PTK2: variants seen among roughly 807,000 people sequenced by gnomAD.
PTK2 encodes the protein protein tyrosine kinase 2, also known as focal adhesion kinase 1.
Under a neutral mutation model 150.1 loss-of-function variants are expected in PTK2, and 45 were observed. The observed-to-expected ratio is 0.30, with a 90% confidence interval of 0.24 to 0.38. The LOEUF (loss-of-function observed/expected upper bound fraction) is 0.38. Ranked by LOEUF, PTK2 falls within the 10% of genes least tolerant of loss-of-function variation. The pLI is 1.00. For missense variants in PTK2, 919 were observed against 1,307.3 expected (o/e 0.70, Z 4.58); for synonymous variants, 432 against 449.2 (o/e 0.96, Z 0.48).
rs187515070 is a variant in PTK2 at position 140,860,559 on chromosome 8, T to C, written c.450+3753A>G. 3.7e-4 allele frequency among the ~76,000 whole-genome samples: 57 copies of C among 152,232 alleles called. 1 individual carries two copies. The South Asian group carries it at 6.0e-3, about 16-fold the overall frequency. ...GCATGATCTTGGCTCACTGCAACCTTTGCCTCCTGGATTCAAGCTATTCTC... is the reference window on the plus strand; with the variant it reads ...GCATGATCTTGGCTCACTGCAACCTCTGCCTCCTGGATTCAAGCTATTCTC... On this transcript the variant is annotated intron_variant, in intron 5 of 31. Coordinates refer to ENST00000522684, the Ensembl canonical transcript of PTK2.
intron 1 of PTK2, among the ~76,000 whole-genome samples, chr8:140,990,518 A>T (rs2100195306): frequency 6.6e-6 from 1 of 152,194 alleles, no homozygotes; most frequent in African/African-American, 2.4e-5. Flanking sequence ...CTGGGGTTAC[A>T]GGCGTGAGTC....
intron 1 of PTK2, among the ~76,000 whole-genome samples, chr8:140,987,528 G>A (rs1569542959): frequency 6.6e-6 from 1 of 152,164 alleles, no homozygotes; most frequent in Non-Finnish European, 1.5e-5. Flanking sequence ...ATATGCGGAT[G>A]GCAAATAACC....
intron 14 of PTK2, among the ~76,000 whole-genome samples, chr8:140,767,820 C>G (rs1288409049): frequency 6.6e-6 from 1 of 152,052 alleles, no homozygotes; most frequent in Non-Finnish European, 1.5e-5. Flanking sequence ...CTTTTCTTTC[C>G]TGGTTTTTAG....
At chr8:140,869,431 T>C (rs1375716732) in intron 4 of PTK2, among the ~76,000 whole-genome samples, 1 of 152,148 alleles carries the variant, frequency 6.6e-6, no homozygotes, top group Non-Finnish European at 1.5e-5. Flanking sequence ...TCCAAAAACC[T>C]TGTATAGAAT....
intron 31 of PTK2, among the ~76,000 whole-genome samples, chr8:140,664,299 A>C (rs2152766222): frequency 6.6e-6 from 1 of 152,220 alleles, no homozygotes; most frequent in Non-Finnish European, 1.5e-5. Flanking sequence ...TTTTAAGACA[A>C]TAATTTTATT....
intron 1 of PTK2, among the ~76,000 whole-genome samples, chr8:140,959,347 A>G (rs372571604): frequency 2.0e-5 from 3 of 151,290 alleles, no homozygotes; most frequent in East Asian, 3.9e-4. Flanking sequence ...TGGCTAACAC[A>G]GTGAAACCCC....
chr8:140,859,453 C>G (rs899336088), intron 5 of PTK2, among the ~76,000 whole-genome samples: 2 of 152,090 alleles, frequency 1.3e-5, no homozygotes, highest in African/African-American at 4.8e-5. Context: ...TAAAAATTAT[C>G]AATGTCATCA....
At chr8:140,784,053 C>G (rs2100083412) in intron 14 of PTK2, among the ~76,000 whole-genome samples, 2 of 152,052 alleles carry the variant, frequency 1.3e-5, no homozygotes, top group African/African-American at 4.8e-5. Flanking sequence ...GTCCCACCTA[C>G]TCGGGAGGCA....
chr8:140,738,155 C>T (rs1459391669), intron 21 of PTK2, among the ~76,000 whole-genome samples: 1 of 152,032 alleles, frequency 6.6e-6, no homozygotes, highest in Non-Finnish European at 1.5e-5. Flanking sequence ...TTCACAGGAT[C>T]AACATGAGTG....
chr8:140,848,051 G>A (rs955668656), intron 5 of PTK2, among the ~76,000 whole-genome samples: 2 of 152,154 alleles, frequency 1.3e-5, no homozygotes, highest in African/African-American at 4.8e-5. Context: ...TGAGCAGCTG[G>A]AGAAATCATA....
At chr8:140,671,521 C>A (rs544622327) in intron 29 of PTK2, among the ~76,000 whole-genome samples, 130 of 152,242 alleles carry the variant, frequency 8.5e-4, no homozygotes, top group South Asian at 4.6e-3. Context: ...TGCCTAGCTG[C>A]ATTGCAGTAT....
chr8:140,732,532 T>C (rs776747834), intron 22 of PTK2: 1 of 525,884 alleles, frequency 1.9e-6, no homozygotes, highest in Non-Finnish European at 3.9e-6. Flanking sequence ...TCTAGCTAGC[T>C]AGGCTACTGG....
chr8:140,734,917 G>C (rs2100051717), intron 22 of PTK2: 3 of 427,980 alleles, frequency 7.0e-6, no homozygotes, highest in South Asian at 5.9e-5. Flanking sequence ...CAAAGTGTGA[G>C]GGAGACAGAG....
At chr8:140,757,552 G>A (rs1029798435) in intron 16 of PTK2, among the ~76,000 whole-genome samples, 1 of 151,994 alleles carries the variant, frequency 6.6e-6, no homozygotes, top group Non-Finnish European at 1.5e-5. Flanking sequence ...TAACTTTTGG[G>A]TTATAAAAGT....
At chr8:140,933,019 T>C (rs2100172426) in intron 1 of PTK2, among the ~76,000 whole-genome samples, 1 of 152,060 alleles carries the variant, frequency 6.6e-6, no homozygotes, top group Non-Finnish European at 1.5e-5. Context: ...ACCCGGCTAA[T>C]TTTGTATTTT....
At chr8:140,816,345 C>A (rs1198281069) in intron 10 of PTK2, among the ~76,000 whole-genome samples, 2 of 150,626 alleles carry the variant, frequency 1.3e-5, no homozygotes, top group Non-Finnish European at 3.0e-5. Context: ...AACACAATAT[C>A]AAAAAAAAAG....
chr8:140,892,373 A>C (rs1457652556), intron 2 of PTK2, among the ~76,000 whole-genome samples: 1 of 152,080 alleles, frequency 6.6e-6, no homozygotes, highest in African/African-American at 2.4e-5. Context: ...ATCTCTACAA[A>C]AAAATTACAA....
At chr8:140,816,523 A>G (rs1323601884) in intron 10 of PTK2, among the ~76,000 whole-genome samples, 1 of 152,224 alleles carries the variant, frequency 6.6e-6, no homozygotes, top group Non-Finnish European at 1.5e-5. Flanking sequence ...ACAGCCAACA[A>G]GAGATTTGGG....
intron 2 of PTK2, among the ~76,000 whole-genome samples, chr8:140,902,932 T>TTTTG (rs1568514076): frequency 3.1e-5 from 3 of 97,064 alleles, no homozygotes; most frequent in Non-Finnish European, 4.5e-5. Flanking sequence ...TTGTTTTTTT[T>TTTTG]TTTTTTTTTT....
Sources: allele counts gnomAD v4.1 joint callset (sites outside exome capture counted in the v4.1 genomes callset), GRCh38; gene constraint gnomAD v4.1.1; transcripts MANE v1.5; gene names NCBI Gene and HGNC (gene_info 2026-07-23, HGNC 2026-07-21).